PALLD: variants seen among roughly 807,000 people sequenced by gnomAD.
PALLD encodes palladin.
Under a neutral mutation model 123.5 loss-of-function variants are expected in PALLD, and 61 were observed. That is an observed-to-expected ratio of 0.49 (90% confidence interval 0.40 to 0.61). The LOEUF (loss-of-function observed/expected upper bound fraction) is 0.61, where lower values mean the gene tolerates loss of function less well. Ranked by LOEUF, PALLD falls within the 20% of genes least tolerant of loss-of-function variation. The probability of loss-of-function intolerance (pLI) is 0.00; values close to 1 mark genes in which losing one functional copy is unlikely to be tolerated. For synonymous variants in PALLD, 465 were observed against 496.4 expected, an observed-to-expected ratio of 0.94 and a Z score of 0.84; for missense variants, 1,273 against 1,377.0, an observed-to-expected ratio of 0.92 and a Z score of 1.20.
chr4:168,717,037 A>G (rs1785429364), intron 10 of PALLD, among the ~76,000 whole-genome samples: 1 of 152,160 alleles, frequency 6.6e-6, no homozygotes, highest in African/African-American at 2.4e-5. Context: ...CCACCCAGCC[A>G]TGTTCCAATA....
intron 10 of PALLD, among the ~76,000 whole-genome samples, chr4:168,770,718 G>A (rs1734281703): frequency 6.7e-6 from 1 of 149,292 alleles, no homozygotes; most frequent in African/African-American, 2.4e-5. Context: ...ACACTTCAGA[G>A]AGAGCCAGAG....
chr4:168,503,642 A>G (rs866951729), intron 1 of PALLD, among the ~76,000 whole-genome samples: 42 of 123,626 alleles, frequency 3.4e-4, no homozygotes, highest in Middle Eastern at 3.9e-3. Flanking sequence ...GCGAGACTCC[A>G]TCTCAAAAAA....
intron 10 of PALLD, among the ~76,000 whole-genome samples, chr4:168,733,987 G>A (rs939102689): frequency 1.3e-5 from 2 of 152,130 alleles, no homozygotes; most frequent in South Asian, 2.1e-4. Flanking sequence ...TGCCCGCCTT[G>A]GCCTCCCAAA....
intron 10 of PALLD, among the ~76,000 whole-genome samples, chr4:168,834,472 C>T (rs990185858): frequency 6.6e-6 from 1 of 152,168 alleles, no homozygotes; most frequent in East Asian, 1.9e-4. Flanking sequence ...GGCATAGAGA[C>T]TCACACCTGT....
At chr4:168,708,305 C>T (rs1041293400) in intron 8 of PALLD, among the ~76,000 whole-genome samples, 17 of 152,188 alleles carry the variant, frequency 1.1e-4, no homozygotes, top group Middle Eastern at 3.4e-3. Context: ...TCACAATAAC[C>T]GTGTGGTGGT....
intron 2 of PALLD, among the ~76,000 whole-genome samples, chr4:168,645,269 C>G (rs549948424): frequency 6.6e-6 from 1 of 152,200 alleles, no homozygotes; most frequent in South Asian, 2.1e-4. Context: ...AATGAGACAA[C>G]ACCTATGGTA....
At chr4:168,808,745 T>C (rs1740610781) in intron 10 of PALLD, among the ~76,000 whole-genome samples, 1 of 152,192 alleles carries the variant, frequency 6.6e-6, no homozygotes, top group East Asian at 1.9e-4. Context: ...TGAGAGCCGA[T>C]GGAAACGAGT....
intron 10 of PALLD, among the ~76,000 whole-genome samples, chr4:168,876,459 T>C (rs556056117): frequency 1.1e-4 from 16 of 152,202 alleles, no homozygotes; most frequent in Non-Finnish European, 2.1e-4. Context: ...TCTGTACATA[T>C]TAAGAACATA....
Position 168,668,253 on chromosome 4 carries a change from G to A in PALLD, c.972G>A (p.Gly324=), listed in dbSNP as rs374955488. The part of the protein sequence containing the change: ...TPDIQIHCEG[G]DLHTLIIAEA... ...ATATTCAAATCCACTGTGAGGGAGG[G>A]GACCTCCATACCCTGATCATAGCAG... Residue 324 remains glycine, a synonymous_variant, in exon 3 of 22, where the codon GGG becomes GGA. Coordinates refer to ENST00000505667, the MANE Select transcript of PALLD (RefSeq NM_001166108.2). The A allele has an allele frequency of 2.0e-5, 32 of 1,613,694 alleles. No individual in the cohort carries two copies. Among genetic ancestry groups the A allele is most frequent in the Non-Finnish European group, 2.6e-5 (31 of 1,179,610 alleles).
intron 15 of PALLD, chr4:168,904,140 C>T: frequency 3.9e-6 from 2 of 515,388 alleles, no homozygotes; most frequent in Non-Finnish European, 7.0e-6. Context: ...TATTAAGGGT[C>T]TAATATGTAC....
chr4:168,810,643 CAA>C (rs60307198), intron 10 of PALLD, among the ~76,000 whole-genome samples: 164 of 139,464 alleles, frequency 1.2e-3, no homozygotes, highest in Non-Finnish European at 1.3e-3. Context: ...AACTCTGTCT[CAA>C]AAAAAAAAAA....
intron 1 of PALLD, among the ~76,000 whole-genome samples, chr4:168,504,280 G>A (rs756655601): frequency 6.6e-5 from 10 of 152,248 alleles, no homozygotes; most frequent in South Asian, 2.1e-4. Flanking sequence ...ATAATGCTAC[G>A]CAACTTCAAG....
At chr4:168,721,517 A>G (rs1055838942) in intron 10 of PALLD, among the ~76,000 whole-genome samples, 7 of 152,362 alleles carry the variant, frequency 4.6e-5, no homozygotes, top group Non-Finnish European at 8.8e-5. Context: ...AAAATACACC[A>G]AAGTGTAACC....
chr4:168,580,792 C>CA (rs936691173), intron 2 of PALLD, among the ~76,000 whole-genome samples: 6 of 151,080 alleles, frequency 4.0e-5, no homozygotes, highest in South Asian at 2.1e-4. Flanking sequence ...ACTATGCAGC[C>CA]AAAAAAAACG....
chr4:168,764,153 C>T (rs1733339154), intron 10 of PALLD, among the ~76,000 whole-genome samples: 1 of 151,976 alleles, frequency 6.6e-6, no homozygotes, highest in Non-Finnish European at 1.5e-5. Context: ...AGATATGGGA[C>T]TTTGTCAATG....
intron 10 of PALLD, among the ~76,000 whole-genome samples, chr4:168,755,279 T>C (rs1003008895): frequency 1.3e-5 from 2 of 149,512 alleles, no homozygotes; most frequent in Admixed American, 1.3e-4. Flanking sequence ...AGACAATGGC[T>C]GCAAAGTTGA....
At chr4:168,763,240 C>T (rs1490495045) in intron 10 of PALLD, among the ~76,000 whole-genome samples, 3 of 152,186 alleles carry the variant, frequency 2.0e-5, no homozygotes, top group Non-Finnish European at 2.9e-5. Flanking sequence ...AGTTACAACA[C>T]TGTTTTAATC....
intron 2 of PALLD, among the ~76,000 whole-genome samples, chr4:168,527,422 CAAAAA>C (rs35555541): frequency 4.2e-4 from 22 of 52,900 alleles, no homozygotes; most frequent in Admixed American, 1.9e-3. Flanking sequence ...AACTCCATCT[CAAAAA>C]AAAAAAAAAA....
In PALLD at chr4:168,927,379, G is replaced by GAAGT. The variant is rs1194854116; in HGVS notation, c.*1200_*1203dup. On this transcript the variant is annotated 3_prime_UTR_variant, in exon 22 of 22. Transcript: ENST00000505667. Reference sequence around the variant, plus strand: ...AAGTCAAGGAACCCAGGGCCAGCTGGAAGTGTGGAGCACACATGCTGTGGA... The same window carrying GAAGT: ...AAGTCAAGGAACCCAGGGCCAGCTGGAAGTAAGTGTGGAGCACACATGCTGTGGA... The GAAGT allele has an allele frequency of 4.3e-6, 1 of 232,846 alleles. No individual in the cohort carries two copies. Among genetic ancestry groups the GAAGT allele is most frequent in the East Asian group, 6.0e-5 (1 of 16,530 alleles). The allele number at this position is 232,846 out of a possible 1,614,324, so 14.4% of individuals were successfully genotyped here. A position where few individuals can be genotyped will look rare whatever the true frequency, so the allele number is the denominator to read the frequency against.
Sources: allele counts gnomAD v4.1 joint callset (sites outside exome capture counted in the v4.1 genomes callset), GRCh38; gene constraint gnomAD v4.1.1; transcripts MANE v1.5; gene names NCBI Gene and HGNC (gene_info 2026-07-23, HGNC 2026-07-21).